The following RBFOX1 variants were observed in gnomAD, a reference collection of about 807,000 sequenced individuals.
RBFOX1 encodes RNA binding protein fox-1 homolog 1.
Under a neutral mutation model 57.7 loss-of-function variants are expected in RBFOX1, and 8 were observed. The observed-to-expected ratio is 0.14, with a 90% CI of 0.08 to 0.25. RBFOX1 has a LOEUF of 0.25. Among genes scored for constraint, RBFOX1 ranks in the 10% least tolerant of loss-of-function variants. The probability of loss-of-function intolerance (pLI) is 1.00; values close to 1 mark genes in which losing one functional copy is unlikely to be tolerated. For synonymous variants in RBFOX1, 326 were observed against 222.4 expected (o/e 1.47, Z -4.15); for missense variants, 611 against 548.5 (o/e 1.11, Z -1.14).
intron 3 of RBFOX1, among the ~76,000 whole-genome samples, chr16:6,872,085 T>C (rs2061011948): frequency 6.6e-6 from 1 of 152,142 alleles, no homozygotes; most frequent in African/African-American, 2.4e-5. Context: ...CTTTGTCTTT[T>C]CACAGCATAA....
chr16:6,883,318 A>G (rs2063332490), intron 3 of RBFOX1, among the ~76,000 whole-genome samples: 1 of 152,158 alleles, frequency 6.6e-6, no homozygotes, highest in Non-Finnish European at 1.5e-5. Context: ...GCCCCTGGGA[A>G]TTTGAATGAG....
At chr16:6,358,975 C>G (rs777195575) in intron 2 of RBFOX1, among the ~76,000 whole-genome samples, 4 of 152,204 alleles carry the variant, frequency 2.6e-5, no homozygotes, top group African/African-American at 4.8e-5. Context: ...ATTGCTCTGT[C>G]GGCGCCTATA....
intron 3 of RBFOX1, among the ~76,000 whole-genome samples, chr16:5,785,766 A>T (rs769439945): frequency 7.2e-5 from 11 of 152,088 alleles, no homozygotes; most frequent in Non-Finnish European, 1.3e-4. Flanking sequence ...ACCTCAGGTG[A>T]TCCACATGCC....
chr16:7,089,866 C>G (rs1382438407), intron 4 of RBFOX1, among the ~76,000 whole-genome samples: 2 of 151,540 alleles, frequency 1.3e-5, no homozygotes, highest in Non-Finnish European at 2.9e-5. Flanking sequence ...CTTTCCTGTG[C>G]TCAAGTATTC....
chr16:5,565,627 C>CGTAAATAA (rs1555466587), intron 2 of RBFOX1, among the ~76,000 whole-genome samples: 207 of 142,836 alleles, frequency 1.4e-3, no homozygotes, highest in African/African-American at 4.7e-3. Context: ...CTCTGCCTTA[C>CGTAAATAA]ATAAATAAAT....
At chr16:5,427,910 C>A (rs1315295615) in intron 1 of RBFOX1, among the ~76,000 whole-genome samples, 1 of 152,316 alleles carries the variant, frequency 6.6e-6, no homozygotes, top group East Asian at 1.9e-4. Context: ...GCCCAGCCAA[C>A]TTGATGTACA....
intron 1 of RBFOX1, among the ~76,000 whole-genome samples, chr16:5,302,616 A>G (rs1198720447): frequency 6.6e-6 from 1 of 152,182 alleles, no homozygotes; most frequent in Non-Finnish European, 1.5e-5. Context: ...TAGGTACAGC[A>G]TACATTTTTA....
intron 3 of RBFOX1, among the ~76,000 whole-genome samples, chr16:6,783,767 A>G (rs1350517382): frequency 6.6e-6 from 1 of 152,130 alleles, no homozygotes; most frequent in Non-Finnish European, 1.5e-5. Context: ...TTCTTGCTGC[A>G]CATTTGTACC....
intron 3 of RBFOX1, among the ~76,000 whole-genome samples, chr16:7,039,224 C>G (rs2045427461): frequency 6.6e-6 from 1 of 152,158 alleles, no homozygotes; most frequent in South Asian, 2.1e-4. Flanking sequence ...GTTTATTGTG[C>G]AAGTTTACGT....
At chr16:7,312,980 G>C (rs539348870) in intron 4 of RBFOX1, among the ~76,000 whole-genome samples, 1 of 152,044 alleles carries the variant, frequency 6.6e-6, no homozygotes, top group Non-Finnish European at 1.5e-5. Flanking sequence ...TTTCAGGATG[G>C]ACCGGGGAAG....
chr16:6,040,570 TTCTC>T (rs998271459), intron 1 of RBFOX1, among the ~76,000 whole-genome samples: 4 of 150,102 alleles, frequency 2.7e-5, no homozygotes, highest in East Asian at 1.9e-4. Context: ...CTTTCTTTCT[TTCTC>T]TCTCTCTCTC....
At chr16:6,026,287 C>A (rs932644818) in intron 1 of RBFOX1, among the ~76,000 whole-genome samples, 1 of 152,232 alleles carries the variant, frequency 6.6e-6, no homozygotes, top group African/African-American at 2.4e-5. Context: ...GCAAGGCACA[C>A]AGCAGAAGCC....
chr16:7,278,025 G>A (rs1484363599), intron 4 of RBFOX1, among the ~76,000 whole-genome samples: 2 of 151,988 alleles, frequency 1.3e-5, no homozygotes, highest in East Asian at 1.9e-4. Flanking sequence ...CTTATTGGTG[G>A]TCAATGCAGA....
intron 2 of RBFOX1, among the ~76,000 whole-genome samples, chr16:5,546,336 A>G (rs2045204790): frequency 2.0e-5 from 3 of 152,180 alleles, no homozygotes; most frequent in African/African-American, 7.2e-5. Context: ...TGAAATTTAT[A>G]CAGACAATGA....
intron 4 of RBFOX1, among the ~76,000 whole-genome samples, chr16:5,877,978 T>G (rs1439627499): frequency 1.3e-5 from 2 of 152,152 alleles, no homozygotes; most frequent in African/African-American, 4.8e-5. Flanking sequence ...ACCTCCAGAG[T>G]TGAGTCCCAC....
intron 1 of RBFOX1, among the ~76,000 whole-genome samples, chr16:6,020,234 C>A (rs9927583): frequency 0.33 from 50,295 of 151,926 alleles, 10,751 homozygotes; most frequent in African/African-American, 0.61. Context: ...CACGTCCTTC[C>A]TTGCCCCAGA....
intron 1 of RBFOX1, among the ~76,000 whole-genome samples, chr16:6,187,271 G>A (rs980006061): frequency 2.0e-5 from 3 of 152,150 alleles, no homozygotes; most frequent in East Asian, 1.9e-4. Flanking sequence ...GATGACGATC[G>A]ATGTTTTCTT....
At chr16:7,163,219 A>G (rs1474611073) in intron 4 of RBFOX1, among the ~76,000 whole-genome samples, 3 of 151,926 alleles carry the variant, frequency 2.0e-5, no homozygotes, top group African/African-American at 4.8e-5. Context: ...AAGCAGGGGG[A>G]GTCTACTGGC....
At chr16:6,913,670 T>C (rs540634203) in intron 3 of RBFOX1, among the ~76,000 whole-genome samples, 1 of 152,284 alleles carries the variant, frequency 6.6e-6, no homozygotes, top group South Asian at 2.1e-4. Context: ...CTAGAAGCCC[T>C]TGGTAGACCT....
Sources: allele counts gnomAD v4.1 joint callset (sites outside exome capture counted in the v4.1 genomes callset), GRCh38; gene constraint gnomAD v4.1.1; transcripts MANE v1.5; gene names NCBI Gene and HGNC (gene_info 2026-07-23, HGNC 2026-07-21).